NALCN: variants seen among roughly 807,000 people sequenced by gnomAD.
The protein encoded by NALCN is sodium leak channel, non-selective.
NALCN carries 111 observed loss-of-function variants against 225.3 expected under a neutral mutation model. The ratio of observed to expected loss-of-function variants is 0.49; its 90% CI spans 0.42 to 0.58. NALCN has a LOEUF of 0.58. Ranked by LOEUF, NALCN falls within the 20% of genes least tolerant of loss-of-function variation. The pLI, the probability that NALCN is intolerant of heterozygous loss-of-function variation, is 0.00. For missense variants in NALCN, 1,378 were observed against 2,202.4 expected (o/e 0.63, Z 7.49); for synonymous variants, 764 against 769.0 (o/e 0.99, Z 0.11).
At chr13:101,342,916 A>G (rs2045602276) in intron 7 of NALCN, among the ~76,000 whole-genome samples, 1 of 152,168 alleles carries the variant, frequency 6.6e-6, no homozygotes, top group Non-Finnish European at 1.5e-5. Context: ...TCTGCCAGAA[A>G]TTTTATAAGT....
In NALCN at chr13:101,390,514, A is replaced by G. The variant is rs145547045; in HGVS notation, c.291+4669T>C. ...GAATACAAAAGGAATCCTGAAAACA[A>G]TGCAATAAAATAAATATCACATGAT... is the stretch of plus-strand genomic sequence containing the variant. On this transcript the variant is annotated intron_variant, in intron 3 of 43. Transcript: ENST00000251127. 2.7e-3 allele frequency among the ~76,000 whole-genome samples: 416 copies of G among 152,282 alleles called. 3 individuals are homozygous for G. The highest frequency in any genetic ancestry group is 0.01 in the Middle Eastern group (3 of 294).
chr13:101,371,517 C>T (rs1001446378), intron 6 of NALCN, among the ~76,000 whole-genome samples: 1 of 152,072 alleles, frequency 6.6e-6, no homozygotes, highest in Non-Finnish European at 1.5e-5. Context: ...TTTTTAAAAA[C>T]TGCCAAACTG....
At chr13:101,136,937 T>C (rs552577855) in intron 17 of NALCN, among the ~76,000 whole-genome samples, 14 of 152,322 alleles carry the variant, frequency 9.2e-5, no homozygotes, top group South Asian at 6.2e-4. Context: ...AAAGTGTTCC[T>C]ATTTCTCCAC....
At chr13:101,390,867 A>G (rs923622794) in intron 3 of NALCN, among the ~76,000 whole-genome samples, 1 of 146,472 alleles carries the variant, frequency 6.8e-6, no homozygotes, top group Admixed American at 6.9e-5. Flanking sequence ...TAATAAATGC[A>G]CTTGGACACA....
At chr13:101,282,145 C>T (rs2043188363) in intron 10 of NALCN, among the ~76,000 whole-genome samples, 1 of 152,112 alleles carries the variant, frequency 6.6e-6, no homozygotes, top group Non-Finnish European at 1.5e-5. Context: ...TCCCACAATC[C>T]CACTTCTGGA....
chr13:101,314,153 G>T (rs1323004074), intron 7 of NALCN, among the ~76,000 whole-genome samples: 2 of 119,666 alleles, frequency 1.7e-5, no homozygotes, highest in Non-Finnish European at 3.3e-5. Flanking sequence ...ACACACTGGG[G>T]ACTGTTGTGG....
chr13:101,095,441 G>A (rs981424879), intron 28 of NALCN, 133 bp downstream of exon 28: 24 of 661,396 alleles, frequency 3.6e-5, no homozygotes, highest in African/African-American at 1.3e-4. Flanking sequence ...CTAGCGCTTC[G>A]CCCTGTATGA....
At position 101,089,044 on chromosome 13, in the gene NALCN, T is replaced by C. The variant is rs1455956333; in HGVS notation, c.3489+619A>G. Among the ~76,000 whole-genome samples the C allele has an allele frequency of 2.6e-5, 4 of 151,942 alleles. No individual in the cohort carries two copies. The highest frequency in any genetic ancestry group is 5.9e-5 in the Non-Finnish European group (4 of 67,980). On this transcript the variant is annotated intron_variant, in intron 30 of 43. Transcript: ENST00000251127. This position sits in a 1 kb window ranked among gnomAD's most constrained non-coding sequence, Gnocchi z 4.7. ...AACCCAGTAGCTGGGATTACAGGCA[T>C]GCGCCACCACGCCCGGCTAATTTTT...
chr13:101,079,515 C>T (rs1452917118), intron 34 of NALCN, among the ~76,000 whole-genome samples: 2 of 152,170 alleles, frequency 1.3e-5, no homozygotes, highest in Non-Finnish European at 2.9e-5. Context: ...TTGGGGATGT[C>T]TTCCAAGACC....
intron 11 of NALCN, among the ~76,000 whole-genome samples, chr13:101,253,509 T>C (rs2042122981): frequency 6.6e-6 from 1 of 152,228 alleles, no homozygotes; most frequent in Admixed American, 6.5e-5. Context: ...GAATTGCTGT[T>C]ATTATAACTA....
In NALCN at chr13:101,058,031, C is replaced by T. The variant is rs770174360; in HGVS notation, c.4931G>A (p.Ser1644Asn). Residue 1644 changes from serine to asparagine, a missense_variant, in exon 43 of 44, where the codon AGC (serine) becomes AAC (asparagine). Coordinates refer to ENST00000251127, the MANE Select transcript of NALCN (RefSeq NM_052867.4). ...TCCTCCTCGATCCGACAGCGTGGGG[C>T]TCAGGAGCTGCTGCTGGCTGCTTGT... is the stretch of plus-strand genomic sequence containing the variant. ...PETSSQQQLL[S>N]PTLSDRGGSR... 6 of 1,613,306 alleles carry T rather than the reference C, an allele frequency of 3.7e-6. No homozygotes were observed. The highest frequency in any genetic ancestry group is 5.1e-6 in the Non-Finnish European group (6 of 1,179,980).
rs769385424 is a variant in NALCN at position 101,340,049 on chromosome 13, C to T, written c.799+5217G>A. Among the ~76,000 whole-genome samples, 131 of 150,542 alleles carry T rather than the reference C, an allele frequency of 8.7e-4. 1 individual carries two copies. Among genetic ancestry groups the T allele is most frequent in the Non-Finnish European group, 4.9e-4 (33 of 67,718 alleles). On this transcript the variant is annotated intron_variant, in intron 7 of 43. Transcript: ENST00000251127. ...TTTGGAGGCCGAGGCGGGTGGATCA[C>T]GAGGTCAGGAGATCGAGACCCTCCT...
chr13:101,247,964 G>A (rs1340627254), intron 11 of NALCN, among the ~76,000 whole-genome samples: 2 of 152,076 alleles, frequency 1.3e-5, no homozygotes, highest in East Asian at 1.9e-4. Flanking sequence ...ATGGCTTCCC[G>A]ATCTATCCAT....
Position 101,259,939 on chromosome 13 carries a change from T to C in NALCN, c.1135-1365A>G, listed in dbSNP as rs527696005. On this transcript the variant is annotated intron_variant, in intron 10 of 43. Transcript: ENST00000251127. The stretch of plus-strand genomic sequence containing the variant: ...AGTTATTATTATTGACTGCAGTCAC[T>C]GTATTATGCTAGCAAATAGTAGGTC... 4.7e-4 allele frequency among the ~76,000 whole-genome samples: 71 copies of C among 152,086 alleles called. 1 individual carries two copies. The highest frequency in any genetic ancestry group is 1.6e-3 in the African/African-American group (68 of 41,502).
In NALCN at chr13:101,322,769, G is replaced by A. The variant is rs532940518; in HGVS notation, c.799+22497C>T. On this transcript the variant is annotated intron_variant, in intron 7 of 43. Transcript: ENST00000251127. ...ACTCTGTCGCCCAGGTTGAAATTTAGTGGCATGATCTCGGCTCACTGCAAC... is the reference window on the plus strand; with the variant it reads ...ACTCTGTCGCCCAGGTTGAAATTTAATGGCATGATCTCGGCTCACTGCAAC... Among the ~76,000 whole-genome samples the A allele has an allele frequency of 2.0e-5, 3 of 152,110 alleles. No homozygotes were observed. The South Asian group carries it at 6.2e-4, about 32-fold the overall frequency.
chr13:101,252,420 A>T lies in NALCN; in HGVS notation c.1266+6023T>A, dbSNP rs1427364628. 3.3e-5 allele frequency among the ~76,000 whole-genome samples: 5 copies of T among 152,190 alleles called. No homozygotes were observed. In the East Asian group the frequency reaches 9.6e-4, roughly 29 times the overall value. On this transcript the variant is annotated intron_variant, in intron 11 of 43. Transcript: ENST00000251127. ...ATAGATGATACTTTCTTTTCTGAGG[A>T]ATCTAGATCCTCTTAATAGCAGAGC... is the stretch of plus-strand genomic sequence containing the variant.
chr13:101,156,013 C>A (rs2037883006), intron 15 of NALCN, among the ~76,000 whole-genome samples: 1 of 152,020 alleles, frequency 6.6e-6, no homozygotes, highest in Non-Finnish European at 1.5e-5. Flanking sequence ...TTTATTCAAT[C>A]ATGTATCTGT....
chr13:101,198,893 A>C (rs1380250945), intron 13 of NALCN, among the ~76,000 whole-genome samples: 1 of 152,152 alleles, frequency 6.6e-6, no homozygotes, highest in African/African-American at 2.4e-5. Flanking sequence ...AACCAACCCA[A>C]ATGTCCAACA....
At chr13:101,160,642 T>C (rs149304827) in intron 15 of NALCN, among the ~76,000 whole-genome samples, 196 of 152,338 alleles carry the variant, frequency 1.3e-3, no homozygotes, top group Non-Finnish European at 1.3e-3. Context: ...CTGCCTGTTC[T>C]GTTTTTTGTT....
Sources: gnomAD v4.1 joint callset for allele counts (sites outside exome capture counted in the v4.1 genomes callset) on GRCh38, gnomAD v4.1.1 for gene constraint, Gnocchi (gnomAD v3.1) non-coding constraint, MANE v1.5 for transcripts, NCBI Gene and HGNC (gene_info 2026-07-23, HGNC 2026-07-21) for gene names.